Variants in SLCO3A1 observed in about 807,000 individuals in gnomAD.
SLCO3A1 encodes solute carrier organic anion transporter family member 3A1.
Under a neutral mutation model 63.1 loss-of-function variants are expected in SLCO3A1, and 27 were observed. That is an observed-to-expected ratio of 0.43 (90% CI 0.32 to 0.59). The LOEUF (loss-of-function observed/expected upper bound fraction) is 0.59. Ranked by LOEUF, SLCO3A1 falls within the 20% of genes least tolerant of loss-of-function variation. The probability of loss-of-function intolerance (pLI) is 0.09; values close to 1 mark genes in which losing one functional copy is unlikely to be tolerated. For missense variants in SLCO3A1, 773 were observed against 945.8 expected, an observed-to-expected ratio of 0.82 and a Z score of 2.40; for synonymous variants, 473 against 409.9, an observed-to-expected ratio of 1.15 and a Z score of -1.86.
intron 2 of SLCO3A1, among the ~76,000 whole-genome samples, chr15:91,960,925 G>T (rs1209248164): frequency 3.3e-5 from 5 of 152,146 alleles, no homozygotes; most frequent in Admixed American, 6.5e-5. Flanking sequence ...GGAGCATTTT[G>T]GATATCAGAT....
intron 1 of SLCO3A1, among the ~76,000 whole-genome samples, chr15:91,878,653 A>G (rs12905016): frequency 0.77 from 117,285 of 152,072 alleles, 46,438 homozygotes; most frequent in East Asian, 0.99. Flanking sequence ...TCAGATTCTC[A>G]TTTTATGTCA....
At chr15:92,083,260 C>G (rs2047368216) in intron 2 of SLCO3A1, among the ~76,000 whole-genome samples, 1 of 152,202 alleles carries the variant, frequency 6.6e-6, no homozygotes, top group Non-Finnish European at 1.5e-5. Flanking sequence ...AGGCTTCCCC[C>G]AAAGGGATCT....
chr15:92,028,296 G>A (rs779397388), intron 2 of SLCO3A1, among the ~76,000 whole-genome samples: 17 of 152,102 alleles, frequency 1.1e-4, no homozygotes, highest in Non-Finnish European at 2.1e-4. Flanking sequence ...AGGCCTCCAG[G>A]TTCCCATTAG....
At chr15:92,037,987 A>G (rs956432016) in intron 2 of SLCO3A1, among the ~76,000 whole-genome samples, 1 of 152,216 alleles carries the variant, frequency 6.6e-6, no homozygotes, top group Non-Finnish European at 1.5e-5. Context: ...TCACATGTAT[A>G]GTAGTGAGAC....
At position 92,165,531 on chromosome 15, in the gene SLCO3A1, CT is replaced by C; in HGVS notation, c.*2399del. 1 of 983,804 alleles carries C rather than the reference CT, an allele frequency of 1.0e-6. No individual in the cohort carries two copies. The highest frequency in any genetic ancestry group is 1.2e-6 in the Non-Finnish European group (1 of 828,714). The allele number at this position is 983,804 out of a possible 1,614,324, so 60.9% of individuals were successfully genotyped here. A position where few individuals can be genotyped will look rare whatever the true frequency, so the allele number is the denominator to read the frequency against. Reference sequence around the variant, plus strand: ...AAAAAAAAAGAAAGTTTTTTAAACTCTTTGCATTTTGGATTTTTTTTCCTAA... The same window carrying C: ...AAAAAAAAAGAAAGTTTTTTAAACTCTTGCATTTTGGATTTTTTTTCCTAA... On this transcript the variant is annotated 3_prime_UTR_variant, in exon 10 of 10. Coordinates refer to ENST00000318445, the MANE Select transcript of SLCO3A1 (RefSeq NM_013272.4).
At chr15:91,904,455 G>C (rs997585814) in intron 1 of SLCO3A1, among the ~76,000 whole-genome samples, 4 of 152,142 alleles carry the variant, frequency 2.6e-5, no homozygotes, top group African/African-American at 9.7e-5. Flanking sequence ...TGGGCTTCCG[G>C]TTCCTCCTAG....
At chr15:91,992,611 G>T (rs140788045) in intron 2 of SLCO3A1, among the ~76,000 whole-genome samples, 1 of 152,262 alleles carries the variant, frequency 6.6e-6, no homozygotes, top group Non-Finnish European at 1.5e-5. Context: ...TTGTGCTGTC[G>T]CTAGGCCTCT....
rs147706858 is a variant in SLCO3A1, at chr15:92,064,646, T to A, written c.647-30235T>A. On this transcript the variant is annotated intron_variant, in intron 2 of 9. Coordinates refer to ENST00000318445, the MANE Select transcript of SLCO3A1 (RefSeq NM_013272.4). ...ACATTAGTACCCATCAACGGATGAA[T>A]GAATAAAGAAAATGTGATACATAGA... 7.6e-4 allele frequency among the ~76,000 whole-genome samples: 115 copies of A among 152,280 alleles called. 1 individual carries two copies. The highest frequency in any genetic ancestry group is 2.5e-3 in the African/African-American group (104 of 41,558).
In SLCO3A1 at chr15:91,942,954, C is replaced by T. The variant is rs112642224; in HGVS notation, c.646+26496C>T. ...GTGGGCGTGGGGCCCAGGGCCCAGC[C>T]GTTTGACCTCGTTCTGCCTCCCTTT... On this transcript the variant is annotated intron_variant, in intron 2 of 9. Transcript: ENST00000318445. The surrounding 1 kb of genome is among the most constrained non-coding windows in gnomAD (Gnocchi z 4.1). 7.9e-5 allele frequency among the ~76,000 whole-genome samples: 12 copies of T among 152,200 alleles called. No homozygotes were observed. The highest frequency in any genetic ancestry group is 2.1e-4 in the South Asian group (1 of 4,832).
intron 2 of SLCO3A1, among the ~76,000 whole-genome samples, chr15:92,000,402 T>A (rs1276544379): frequency 3.4e-4 from 50 of 147,534 alleles, no homozygotes; most frequent in African/African-American, 9.8e-4. Flanking sequence ...TCCTTTTTTT[T>A]TAAAAAAAAA....
intron 5 of SLCO3A1, among the ~76,000 whole-genome samples, chr15:92,123,675 C>A (rs999475994): frequency 2.0e-5 from 3 of 152,086 alleles, no homozygotes; most frequent in Non-Finnish European, 4.4e-5. Context: ...TCTTTGTTAT[C>A]CCCAGGATCT....
intron 2 of SLCO3A1, among the ~76,000 whole-genome samples, chr15:92,092,860 A>G (rs1273225013): frequency 6.6e-6 from 1 of 152,142 alleles, no homozygotes; most frequent in Non-Finnish European, 1.5e-5. Flanking sequence ...CTCCTCTCCA[A>G]AGTGACACAT....
At chr15:91,878,253 T>A (rs1211408766) in intron 1 of SLCO3A1, among the ~76,000 whole-genome samples, 1 of 151,970 alleles carries the variant, frequency 6.6e-6, no homozygotes, top group Admixed American at 6.6e-5. Flanking sequence ...ACCTGGATAA[T>A]TTTTGTATTT....
At chr15:92,081,385 C>G (rs1161346197) in intron 2 of SLCO3A1, among the ~76,000 whole-genome samples, 1 of 151,542 alleles carries the variant, frequency 6.6e-6, no homozygotes, top group Non-Finnish European at 1.5e-5. Context: ...GAGTCTCGCT[C>G]TATTGCCCAG....
At chr15:92,020,219 A>G (rs2046491359) in intron 2 of SLCO3A1, among the ~76,000 whole-genome samples, 2 of 141,830 alleles carry the variant, frequency 1.4e-5, no homozygotes, top group South Asian at 4.2e-4. Flanking sequence ...CACACACACT[A>G]TATATACACA....
At chr15:91,926,597 G>GTGTGTGTGTGCA (rs1304406067) in intron 2 of SLCO3A1, among the ~76,000 whole-genome samples, 3 of 31,854 alleles carry the variant, frequency 9.4e-5, no homozygotes, top group Admixed American at 5.2e-4. Context: ...GTGTGTGTGT[G>GTGTGTGTGTGCA]CGCGCGCGCA....
At chr15:92,039,124 A>C (rs1289208304) in intron 2 of SLCO3A1, among the ~76,000 whole-genome samples, 2 of 152,146 alleles carry the variant, frequency 1.3e-5, no homozygotes, top group Non-Finnish European at 2.9e-5. Flanking sequence ...AACCGGAAAA[A>C]CCCTAGAAGA....
intron 1 of SLCO3A1, among the ~76,000 whole-genome samples, chr15:91,857,428 T>C (rs1265548999): frequency 6.6e-6 from 1 of 152,208 alleles, no homozygotes; most frequent in Non-Finnish European, 1.5e-5. Context: ...CTAAACCTCC[T>C]GACTGGCTAT....
At chr15:92,024,208 T>A (rs1200888251) in intron 2 of SLCO3A1, among the ~76,000 whole-genome samples, 1 of 152,236 alleles carries the variant, frequency 6.6e-6, no homozygotes, top group Non-Finnish European at 1.5e-5. Flanking sequence ...CCCACTTCCA[T>A]ACATATCATG....
Sources: allele counts gnomAD v4.1 joint callset (sites outside exome capture counted in the v4.1 genomes callset), GRCh38; gene constraint gnomAD v4.1.1; non-coding constraint Gnocchi (gnomAD v3.1); transcripts MANE v1.5; gene names NCBI Gene and HGNC (gene_info 2026-07-23, HGNC 2026-07-21).